Variants in YWHAG observed in about 807,000 individuals in gnomAD.
The protein encoded by YWHAG is 14-3-3 protein gamma.
Under a neutral mutation model 23.3 loss-of-function variants are expected in YWHAG, and 1 was observed. That is an observed-to-expected ratio of 0.04 (90% CI 0.02 to 0.20). YWHAG has a LOEUF of 0.20. YWHAG is among the 10% of genes least tolerant of loss of function. YWHAG has a pLI of 1.00. For missense variants in YWHAG, 151 were observed against 338.6 expected, an observed-to-expected ratio of 0.45 and a Z score of 4.35; for synonymous variants, 160 against 144.0, an observed-to-expected ratio of 1.11 and a Z score of -0.80.
chr7:76,330,674 T>A (rs193091578), intron 1 of YWHAG, among the ~76,000 whole-genome samples: 1 of 152,328 alleles, frequency 6.6e-6, no homozygotes, highest in African/African-American at 2.4e-5. Context: ...CTGAGAAACA[T>A]GGAGGCCTTT....
chr7:76,358,139 G>A (rs1439047123), intron 1 of YWHAG, among the ~76,000 whole-genome samples: 1 of 152,158 alleles, frequency 6.6e-6, no homozygotes, highest in African/African-American at 2.4e-5. Context: ...AGGTGGTTTC[G>A]ATTTTGCACC....
In YWHAG at chr7:76,329,766, C is replaced by T. The variant is rs754546897; in HGVS notation, c.555G>A (p.Glu185=). 1.2e-6 allele frequency: 2 copies of T among 1,613,858 alleles called. No homozygotes were observed. The highest frequency in any genetic ancestry group is 3.3e-5 in the Admixed American group (2 of 59,932). ...ACGCTTGCTCTGGGGCGTTCTGGAT[C>T]TCATAGTAGAAGACGGAGTAGTTAA... is the stretch of plus-strand genomic sequence containing the variant. The part of the protein sequence containing the change: ...LALNYSVFYY[E]IQNAPEQACH... The change falls in exon 2 of 2, where the codon GAG becomes GAA. Residue 185 remains glutamate, a synonymous_variant. Transcript: ENST00000307630. This position sits in a 1 kb window ranked among gnomAD's most constrained non-coding sequence, Gnocchi z 6.1.
At chr7:76,346,520 G>C (rs1803781702) in intron 1 of YWHAG, among the ~76,000 whole-genome samples, 1 of 152,216 alleles carries the variant, frequency 6.6e-6, no homozygotes, top group Non-Finnish European at 1.5e-5. Flanking sequence ...AAATTGACCT[G>C]TAGCCAAGTT....
At chr7:76,342,202 TAAAAGA>T (rs1014603170) in intron 1 of YWHAG, among the ~76,000 whole-genome samples, 2 of 152,164 alleles carry the variant, frequency 1.3e-5, no homozygotes, top group African/African-American at 4.8e-5. Context: ...ACAGCTATCA[TAAAAGA>T]AAGATGAAAA....
chr7:76,358,686 G>C, intron 1 of YWHAG, 36 bp downstream of exon 1: 2 of 1,533,698 alleles, frequency 1.3e-6, no homozygotes, highest in Middle Eastern at 2.0e-4. Flanking sequence ...TCTTCGGAGG[G>C]GCAGGGAGCG....
At chr7:76,351,110 T>C (rs961614704) in intron 1 of YWHAG, among the ~76,000 whole-genome samples, 3 of 152,204 alleles carry the variant, frequency 2.0e-5, no homozygotes, top group African/African-American at 7.2e-5. Flanking sequence ...TATCCCTGCA[T>C]GTGAATCATT....
intron 1 of YWHAG, among the ~76,000 whole-genome samples, chr7:76,339,378 G>A (rs1803659255): frequency 6.6e-6 from 1 of 152,144 alleles, no homozygotes; most frequent in South Asian, 2.1e-4. Flanking sequence ...GCGGAGACAG[G>A]AGAACTGCTT....
chr7:76,344,722 G>T (rs1285555829), intron 1 of YWHAG, among the ~76,000 whole-genome samples: 3 of 152,110 alleles, frequency 2.0e-5, no homozygotes, highest in Non-Finnish European at 4.4e-5. Flanking sequence ...TCTCAAAAAT[G>T]AATTATAAAC....
At chr7:76,344,182 C>G (rs1246697393) in intron 1 of YWHAG, among the ~76,000 whole-genome samples, 3 of 152,082 alleles carry the variant, frequency 2.0e-5, no homozygotes, top group African/African-American at 7.2e-5. Flanking sequence ...GCGATATCGG[C>G]TCACTGCAGC....
intron 1 of YWHAG, among the ~76,000 whole-genome samples, chr7:76,333,612 G>A (rs1290704541): frequency 6.6e-6 from 1 of 151,950 alleles, no homozygotes; most frequent in Non-Finnish European, 1.5e-5. Context: ...GCCTCACATC[G>A]CTTCCTTTCC....
chr7:76,352,838 A>G lies in YWHAG; in HGVS notation c.87+5884T>C, dbSNP rs139298114. Among the ~76,000 whole-genome samples the G allele has an allele frequency of 4.4e-3, 671 of 152,190 alleles. 4 individuals carry two copies. Among genetic ancestry groups the G allele is most frequent in the African/African-American group, 0.015 (636 of 41,512 alleles). ...CTAATTTTTGTTATTTTTAGTACAG[A>G]TGGGATTTCACCATGTTGAGCAGGC... On this transcript the variant is annotated intron_variant, in intron 1 of 1. Transcript: ENST00000307630.
At chr7:76,334,677 A>T (rs1237052560) in intron 1 of YWHAG, among the ~76,000 whole-genome samples, 1 of 151,854 alleles carries the variant, frequency 6.6e-6, no homozygotes, top group Non-Finnish European at 1.5e-5. Context: ...TGGCCTCCTA[A>T]AGTTCTGGGA....
Position 76,345,806 on chromosome 7 carries a change from G to A in YWHAG, c.87+12916C>T, listed in dbSNP as rs1403433082. On this transcript the variant is annotated intron_variant, in intron 1 of 1. Transcript: ENST00000307630. ...AAAAATTAGCTGGGCATGGTGGCACGAGCCTGTAATCCCAGCTACTAGGTA... is the reference window on the plus strand; with the variant it reads ...AAAAATTAGCTGGGCATGGTGGCACAAGCCTGTAATCCCAGCTACTAGGTA... 5.3e-5 allele frequency among the ~76,000 whole-genome samples: 8 copies of A among 152,028 alleles called. No homozygotes were observed. In the East Asian group the frequency reaches 1.4e-3, roughly 26 times the overall value.
chr7:76,329,592 G>A lies in YWHAG; in HGVS notation c.729C>T (p.Gly243=), dbSNP rs780581872. The A allele has an allele frequency of 3.1e-5, 50 of 1,607,110 alleles. No individual in the cohort carries two copies. Among genetic ancestry groups the A allele is most frequent in the Non-Finnish European group, 4.0e-5 (47 of 1,174,924 alleles). The change falls in exon 2 of 2, where the codon GGC becomes GGT. Residue 243 remains glycine, a synonymous_variant. Transcript: ENST00000307630. This position sits in a 1 kb window ranked among gnomAD's most constrained non-coding sequence, Gnocchi z 6.1. Reference sequence around the variant, plus strand: ...CCCTGGGGCCTTAATTGTTGCCTTCGCCGCCATCGTCGTCCTGCTGGTCGC... The same window carrying A: ...CCCTGGGGCCTTAATTGTTGCCTTCACCGCCATCGTCGTCCTGCTGGTCGC... ...WTSDQQDDDG[G]EGNN
In YWHAG at chr7:76,349,418, TACACACACACACACACACACACACAGAC is replaced by T. The variant is rs1245990586; in HGVS notation, c.87+9276_87+9303del. Among the ~76,000 whole-genome samples, 346 of 147,152 alleles carry T rather than the reference TACACACACACACACACACACACACAGAC, an allele frequency of 2.4e-3. 2 individuals carry two copies. Among genetic ancestry groups the T allele is most frequent in the South Asian group, 0.014 (66 of 4,624 alleles). On this transcript the variant is annotated intron_variant, in intron 1 of 1. Transcript: ENST00000307630. Reference sequence around the variant, plus strand: ...ACGCGTTTTGGTCATCATTTATTAATACACACACACACACACACACACACAGACACACACACACACACACACACAGCCA... The same window carrying T: ...ACGCGTTTTGGTCATCATTTATTAATACACACACACACACACACACAGCCA...
intron 1 of YWHAG, among the ~76,000 whole-genome samples, chr7:76,334,351 T>C (rs1045800166): frequency 6.6e-6 from 1 of 152,190 alleles, no homozygotes; most frequent in African/African-American, 2.4e-5. Context: ...ACAGAATGAC[T>C]ATTCAATGTG....
At chr7:76,335,975 T>G (rs1803610115) in intron 1 of YWHAG, among the ~76,000 whole-genome samples, 1 of 151,734 alleles carries the variant, frequency 6.6e-6, no homozygotes, top group Non-Finnish European at 1.5e-5. Context: ...CAAAAAAAAG[T>G]TATGAATGCA....
At position 76,327,565 on chromosome 7, in the gene YWHAG, A is replaced by C. The variant is rs1803463331; in HGVS notation, c.*2012T>G. On this transcript the variant is annotated 3_prime_UTR_variant, in exon 2 of 2. Transcript: ENST00000307630. ...GCCAAAGCTGAAATTTAAAGGAAAA[A>C]TAGGTTTTGTAATTCCAGTAAATCA... The C allele has an allele frequency of 6.6e-6, 1 of 152,504 alleles. No individual in the cohort carries two copies. The highest frequency in any genetic ancestry group is 6.6e-5 in the Admixed American group (1 of 15,256). The allele number at this position is 152,504 out of a possible 1,614,324, so 9.4% of individuals were successfully genotyped here.
intron 1 of YWHAG, among the ~76,000 whole-genome samples, chr7:76,347,811 T>C (rs1318470878): frequency 6.6e-6 from 1 of 152,232 alleles, no homozygotes; most frequent in African/African-American, 2.4e-5. Context: ...GAGTGAGGTA[T>C]CTGCTTCCAT....
Sources: gnomAD v4.1 joint callset for allele counts (sites outside exome capture counted in the v4.1 genomes callset) on GRCh38, gnomAD v4.1.1 for gene constraint, Gnocchi (gnomAD v3.1) non-coding constraint, MANE v1.5 for transcripts, NCBI Gene and HGNC (gene_info 2026-07-23, HGNC 2026-07-21) for gene names.